The following DNAH1 variants were observed in gnomAD, a reference collection of about 807,000 sequenced individuals.
DNAH1 encodes the protein dynein axonemal heavy chain 1, also known as axonemal beta dynein heavy chain 1.
Under a neutral mutation model 484.3 loss-of-function variants are expected in DNAH1, and 327 were observed. The observed-to-expected ratio is 0.68, with a 90% confidence interval of 0.62 to 0.74. The LOEUF (loss-of-function observed/expected upper bound fraction) is 0.74, where lower values mean the gene tolerates loss of function less well. Ranked by LOEUF, DNAH1 falls within the 30% of genes least tolerant of loss-of-function variation. The pLI is 0.00. For missense variants in DNAH1, 5,052 were observed against 5,546.8 expected (o/e 0.91, Z 2.83); for synonymous variants, 2,192 against 2,191.9 (o/e 1.00, Z 0.00).
intron 43 of DNAH1, 51 bp downstream of exon 43, chr3:52,372,438 G>A (rs369999381): frequency 1.4e-5 from 23 of 1,598,810 alleles, no homozygotes; most frequent in Admixed American, 8.4e-5. Flanking sequence ...CAGCCTGGCC[G>A]ATCCAGCTGC....
chr3:52,367,086 C>T lies in DNAH1; in HGVS notation c.5765+199C>T, dbSNP rs552186636. 6.6e-6 allele frequency among the ~76,000 whole-genome samples: 1 copy of T among 152,190 alleles called. No individual in the cohort carries two copies. Among genetic ancestry groups the T allele is most frequent in the South Asian group, 2.1e-4 (1 of 4,832 alleles). Reference sequence around the variant, plus strand: ...GGCCATGGTTCCCTCGTCTGCAAAGCGGGGACAATAATGGCACCATGCTTA... The same window carrying T: ...GGCCATGGTTCCCTCGTCTGCAAAGTGGGGACAATAATGGCACCATGCTTA... On this transcript the variant is annotated intron_variant, in intron 36 of 77. Coordinates refer to ENST00000420323, the MANE Select transcript of DNAH1 (RefSeq NM_015512.5).
chr3:52,394,769 G>A, intron 67 of DNAH1, 108 bp downstream of exon 67: 1 of 1,482,448 alleles, frequency 6.7e-7, no homozygotes, highest in East Asian at 2.4e-5. Context: ...GTTGCCCTGT[G>A]GCTGTGGCCA....
In DNAH1 at chr3:52,371,712, G is replaced by A. The variant is rs145047958; in HGVS notation, c.6526-234G>A. 1.6e-3 allele frequency among the ~76,000 whole-genome samples: 243 copies of A among 152,372 alleles called. 1 individual carries two copies. The highest frequency in any genetic ancestry group is 3.9e-3 in the Admixed American group (60 of 15,314). On this transcript the variant is annotated intron_variant, in intron 41 of 77. Transcript: ENST00000420323. ...ACCTGGGCAGGGAGAGCCCTCTTAT[G>A]CAGTTGTGCTCAGAGTCCCCATTCT...
chr3:52,394,877 C>G (rs1252503022), intron 67 of DNAH1, 38 bp from the exon 68 acceptor site: 3 of 1,605,354 alleles, frequency 1.9e-6, no homozygotes, highest in East Asian at 4.5e-5. Flanking sequence ...CTCCTTCCAA[C>G]AGGCTGGCTC....
At chr3:52,311,705 G>A (rs1292738787), upstream of DNAH1, among the ~76,000 whole-genome samples, 2 of 152,220 alleles carry the variant, frequency 1.3e-5, no homozygotes, top group East Asian at 3.8e-4. Flanking sequence ...ACCGTGACCA[G>A]ACAAAGGGAC....
rs1703078524 is a variant in DNAH1 at position 52,366,478 on chromosome 3, A to G, written c.5540A>G (p.Gln1847Arg). Residue 1847 changes from glutamine (Q) to arginine (R), a missense_variant, in exon 35 of 78, where the codon CAG (glutamine) becomes CGG (arginine). Transcript: ENST00000420323. ...CCAGGCTTCCTGACAAAGTGCATCCAGCTCTACGAGACCACGGTGGTACGA... is the reference window on the plus strand; with the variant it reads ...CCAGGCTTCCTGACAAAGTGCATCCGGCTCTACGAGACCACGGTGGTACGA... ...DVEGFLTKCI[Q>R]LYETTVVRHG... The G allele has an allele frequency of 6.2e-7, 1 of 1,600,274 alleles. No homozygotes were observed. The highest frequency in any genetic ancestry group is 1.3e-5 in the African/African-American group (1 of 74,548).
chr3:52,373,341 G>A (rs1052950748), intron 44 of DNAH1, among the ~76,000 whole-genome samples: 5 of 152,036 alleles, frequency 3.3e-5, no homozygotes, highest in African/African-American at 7.2e-5. Context: ...CGGGGCGGGG[G>A]CGCTGCTGCT....
At position 52,372,402 on chromosome 3, in the gene DNAH1, C is replaced by A. The variant is rs767562933; in HGVS notation, c.6827+15C>A. ...CTGGACAAGAGGCAGGGCACCCCTC[C>A]CTCCTTCCTCACCCCTGCATCCTCC... is the stretch of plus-strand genomic sequence containing the variant. On this transcript the variant is annotated intron_variant, in intron 43 of 77. Coordinates refer to ENST00000420323, the MANE Select transcript of DNAH1 (RefSeq NM_015512.5). The A allele has an allele frequency of 1.6e-5, 25 of 1,612,306 alleles. No homozygotes were observed. The highest frequency in any genetic ancestry group is 2.0e-5 in the Non-Finnish European group (24 of 1,179,842).
chr3:52,390,713 AG>A (rs34469674), intron 60 of DNAH1, among the ~76,000 whole-genome samples: 1 of 152,184 alleles, frequency 6.6e-6, no homozygotes. Context: ...GTGCTCTCTC[AG>A]GGGCTGTGCC....
chr3:52,329,877 C>T (rs561066674), intron 6 of DNAH1, among the ~76,000 whole-genome samples: 8 of 151,874 alleles, frequency 5.3e-5, no homozygotes, highest in African/African-American at 1.7e-4. Flanking sequence ...GTTTTTATCT[C>T]GGCTCACTGA....
At position 52,397,420 on chromosome 3, in the gene DNAH1, C is replaced by T. The variant is rs547189363; in HGVS notation, c.11788-287C>T. Among the ~76,000 whole-genome samples, 6 of 152,144 alleles carry T rather than the reference C, an allele frequency of 3.9e-5. No homozygotes were observed. The South Asian group carries it at 1.2e-3, about 32-fold the overall frequency. On this transcript the variant is annotated intron_variant, in intron 73 of 77. Transcript: ENST00000420323. The stretch of plus-strand genomic sequence containing the variant: ...TGAGCCAGGGCTGGGTTGTGTGGGT[C>T]ATCAGTGCAAAGGGCCTGTGGCAGG...
rs2153225930 is a variant in DNAH1, at chr3:52,399,787, G to A, written c.12676+8G>A. On this transcript the variant is annotated splice_region_variant and intron_variant, in intron 77 of 77. Coordinates refer to ENST00000420323, the MANE Select transcript of DNAH1 (RefSeq NM_015512.5). ...AGACACTGACTCGTGCTGGTATGAG[G>A]CCTGGGATGGGAGCCTACACTATGG... 1 of 1,612,800 alleles carries A rather than the reference G, an allele frequency of 6.2e-7. No individual in the cohort carries two copies. The highest frequency in any genetic ancestry group is 1.1e-5 in the South Asian group (1 of 90,946).
At position 52,364,739 on chromosome 3, in the gene DNAH1, G is replaced by T. The variant is rs146246273; in HGVS notation, c.5331+15G>T. 1 of 1,611,288 alleles carries T rather than the reference G, an allele frequency of 6.2e-7. No homozygotes were observed. Among genetic ancestry groups the T allele is most frequent in the South Asian group, 1.1e-5 (1 of 90,628 alleles). On this transcript the variant is annotated intron_variant, in intron 33 of 77. Transcript: ENST00000420323. The surrounding 1 kb of genome is among the most constrained non-coding windows in gnomAD (Gnocchi z 4.2). Reference sequence around the variant, plus strand: ...GCATGAATGAGGTGAGCTCCACCCAGCAGGGCTCCAGGAGTGGAACTCTGG... The same window carrying T: ...GCATGAATGAGGTGAGCTCCACCCATCAGGGCTCCAGGAGTGGAACTCTGG...
In DNAH1 at chr3:52,357,741, C is replaced by T. The variant is rs769030420; in HGVS notation, c.3980+6C>T. ...AAGAGGAGCGCCTTCCCCAGGTGGG[C>T]GCCACCTGGCCATGCCCACTCCGCC... On this transcript the variant is annotated splice_donor_region_variant and intron_variant, in intron 23 of 77. Coordinates refer to ENST00000420323, the MANE Select transcript of DNAH1 (RefSeq NM_015512.5). 149 of 1,574,200 alleles carry T rather than the reference C, an allele frequency of 9.5e-5. No homozygotes were observed. Among genetic ancestry groups the T allele is most frequent in the Non-Finnish European group, 1.2e-4 (134 of 1,159,968 alleles).
intron 74 of DNAH1, 73 bp downstream of exon 74, chr3:52,397,950 G>A (rs1704712748): frequency 8.9e-6 from 14 of 1,578,892 alleles, no homozygotes; most frequent in South Asian, 1.2e-5. Context: ...CTCCCCTGTG[G>A]GAAGGACCCC....
At position 52,397,873 on chromosome 3, in the gene DNAH1, A is replaced by T; in HGVS notation, c.11954A>T (p.Glu3985Val). The T allele has an allele frequency of 6.2e-7, 1 of 1,600,900 alleles. No individual in the cohort carries two copies. The highest frequency in any genetic ancestry group is 8.5e-7 in the Non-Finnish European group (1 of 1,172,798). Residue 3985 changes from glutamate to valine, a missense_variant, in exon 74 of 78, where the codon GAG (glutamate) becomes GTG (valine). By Grantham distance (121) the Glu-to-Val change is moderately radical. Around this residue, in one of 4 missense-constraint regions of DNAH1, gnomAD observed 853 missense variants for 899.0 expected, o/e 0.95. Coordinates refer to ENST00000420323, the MANE Select transcript of DNAH1 (RefSeq NM_015512.5). ...KSSSAGSQGR[E>V]EIVEDVTQNI... ...TCTTCTGCAGGCAGCCAGGGCCGGG[A>T]GGAGGTGGGTGGTGTCAGAGTAAGG...
In DNAH1 at chr3:52,359,273, T is replaced by C. The variant is rs1179826740; in HGVS notation, c.4294T>C (p.Trp1432Arg). The stretch of plus-strand genomic sequence containing the variant: ...GCCCAGGACCCAGTGGGTTCTGAAC[T>C]GGCCTGGCCAGGTGACCATCGCTGG... ...TMPRTQWVLN[W>R]PGQVTIAGCQ... Residue 1432 changes from tryptophan (W) to arginine (R), a missense_variant, in exon 26 of 78, where the codon TGG becomes CGG. Physicochemically the swap from Trp to Arg is moderately radical, Grantham distance 101 (BLOSUM62 -3). This residue lies in a region of DNAH1 where 2,929 missense variants were observed against 3,409.4 expected (regional missense o/e 0.86). Coordinates refer to ENST00000420323, the MANE Select transcript of DNAH1 (RefSeq NM_015512.5). 6 of 1,568,818 alleles carry C rather than the reference T, an allele frequency of 3.8e-6. No homozygotes were observed. The highest frequency in any genetic ancestry group is 5.2e-6 in the Non-Finnish European group (6 of 1,156,156).
intron 66 of DNAH1, 98 bp from the exon 67 acceptor site, chr3:52,394,367 A>T: frequency 8.6e-7 from 1 of 1,159,646 alleles, no homozygotes; most frequent in Admixed American, 2.2e-5. Flanking sequence ...CAGTTTCTCC[A>T]GGTGAGGGTG....
At chr3:52,338,372 G>A (rs899858214) in intron 8 of DNAH1, among the ~76,000 whole-genome samples, 1 of 152,172 alleles carries the variant, frequency 6.6e-6, no homozygotes, top group African/African-American at 2.4e-5. Flanking sequence ...GCCACCCGAA[G>A]TGCTGGGATT....
Sources: gnomAD v4.1 joint callset for allele counts (sites outside exome capture counted in the v4.1 genomes callset) on GRCh38, gnomAD v4.1.1 for gene constraint, gnomAD v4.1.1 regional missense constraint, Gnocchi (gnomAD v3.1) non-coding constraint, MANE v1.5 for transcripts, NCBI Gene and HGNC (gene_info 2026-07-23, HGNC 2026-07-21) for gene names.